The following STOX2 variants were observed in gnomAD, a reference collection of about 807,000 sequenced individuals.
STOX2 encodes the protein storkhead box 2.
A neutral mutation model predicts 60.9 loss-of-function variants in STOX2; 28 were observed. That is an observed-to-expected ratio of 0.46 (90% CI 0.34 to 0.63). STOX2 has a LOEUF of 0.63. Among genes scored for constraint, STOX2 ranks in the 30% least tolerant of loss-of-function variants. The probability of loss-of-function intolerance (pLI) is 0.01; values close to 1 mark genes in which losing one functional copy is unlikely to be tolerated. For missense variants in STOX2, 1,024 were observed against 1,187.7 expected (o/e 0.86, Z 2.03); for synonymous variants, 472 against 463.9 (o/e 1.02, Z -0.22).
rs866550271 is a variant in STOX2, at chr4:183,825,873, G to A, written c.364+27818G>A. 3.3e-5 allele frequency among the ~76,000 whole-genome samples: 5 copies of A among 152,152 alleles called. No homozygotes were observed. The highest frequency in any genetic ancestry group is 5.9e-5 in the Non-Finnish European group (4 of 68,018). On this transcript the variant is annotated intron_variant, in intron 1 of 2. Transcript: ENST00000513034. This position sits in a 1 kb window ranked among gnomAD's most constrained non-coding sequence, Gnocchi z 4.1. ...GAAGTTTAGTCTGGGAACGAGTATG[G>A]CAGTCAGTTTGGCAAATGATGGGGA...
At chr4:183,908,343 T>C (rs1255901809) in intron 1 of STOX2, among the ~76,000 whole-genome samples, 1 of 152,210 alleles carries the variant, frequency 6.6e-6, no homozygotes, top group African/African-American at 2.4e-5. Flanking sequence ...CACACCTAAA[T>C]GCAAACCTAA....
Position 183,941,667 on chromosome 4 carries a change from A to G in STOX2, c.166+34711A>G, listed in dbSNP as rs563187590. On this transcript the variant is annotated intron_variant, in intron 1 of 3. Transcript: ENST00000308497. ...TATGGCGATAGACAACATGGATACC[A>G]TGTTATGTGCTTAAAGTACTTAACA... is the stretch of plus-strand genomic sequence containing the variant. 2.0e-5 allele frequency among the ~76,000 whole-genome samples: 3 copies of G among 152,346 alleles called. No individual in the cohort carries two copies. The South Asian group carries it at 6.2e-4, about 32-fold the overall frequency.
intron 1 of STOX2, among the ~76,000 whole-genome samples, chr4:183,899,187 G>C (rs943850102): frequency 3.3e-5 from 5 of 152,174 alleles, no homozygotes; most frequent in African/African-American, 1.2e-4. Context: ...CGATCTGACT[G>C]TTCCAATGAC....
At chr4:183,957,215 C>CT (rs1743277583) in intron 1 of STOX2, among the ~76,000 whole-genome samples, 1 of 150,894 alleles carries the variant, frequency 6.6e-6, no homozygotes, top group Admixed American at 6.6e-5. Context: ...CACGTGGTGG[C>CT]TTTTTGTCTC....
intron 1 of STOX2, among the ~76,000 whole-genome samples, chr4:183,954,580 G>C (rs894340890): frequency 6.6e-6 from 1 of 151,696 alleles, no homozygotes; most frequent in African/African-American, 2.4e-5. Context: ...GAGCCACCAC[G>C]CCAAGCCCGC....
intron 1 of STOX2, among the ~76,000 whole-genome samples, chr4:183,989,169 GTTTTTT>G (rs11421201): frequency 1.6e-4 from 13 of 80,028 alleles, no homozygotes; most frequent in African/African-American, 4.6e-4. Flanking sequence ...ATTTTTTCTG[GTTTTTT>G]TTTTTTTTTT....
chr4:183,891,358 TTATATATATATA>T (rs60300009), intron 1 of STOX2, among the ~76,000 whole-genome samples: 3,243 of 84,914 alleles, frequency 0.038, 84 homozygotes, highest in East Asian at 0.067. Context: ...ATGATGGAAT[TTATATATATATA>T]TATATATATA....
intron 1 of STOX2, among the ~76,000 whole-genome samples, chr4:184,000,543 C>G (rs1384962992): frequency 1.3e-5 from 2 of 152,182 alleles, no homozygotes; most frequent in African/African-American, 4.8e-5. Flanking sequence ...AGCTTGGACA[C>G]TCAGCTCTTT....
At chr4:183,949,720 ACTTT>A (rs1308731204) in intron 1 of STOX2, among the ~76,000 whole-genome samples, 1 of 151,942 alleles carries the variant, frequency 6.6e-6, no homozygotes, top group Non-Finnish European at 1.5e-5. Context: ...ACAAACAAAA[ACTTT>A]CTTAATTTAA....
At chr4:183,830,773 C>T (rs937869100) in intron 1 of STOX2, among the ~76,000 whole-genome samples, 1 of 152,134 alleles carries the variant, frequency 6.6e-6, no homozygotes, top group Non-Finnish European at 1.5e-5. Flanking sequence ...CATTAAGGGC[C>T]CTCCTCCAAC....
rs563945702 is a variant in STOX2 at position 183,887,349 on chromosome 4, A to G, written c.364+89294A>G. ...CAACCATTTGTCAGAGACACCATCA[A>G]TTTAGGCCGTTATAAATTTAGTGAT... is the stretch of plus-strand genomic sequence containing the variant. On this transcript the variant is annotated intron_variant, in intron 1 of 2. Coordinates refer to the STOX2 transcript ENST00000513034. Among the ~76,000 whole-genome samples the G allele has an allele frequency of 4.2e-4, 64 of 152,296 alleles. 2 individuals carry two copies. The highest frequency in any genetic ancestry group is 3.9e-3 in the South Asian group (19 of 4,828).
intron 1 of STOX2, among the ~76,000 whole-genome samples, chr4:183,966,935 T>C (rs984004183): frequency 2.6e-5 from 4 of 152,208 alleles, no homozygotes; most frequent in Admixed American, 6.5e-5. Context: ...ATTTCATTCA[T>C]GAAATGGAGA....
In STOX2 at chr4:183,850,066, C is replaced by A. The variant is rs368089626; in HGVS notation, c.364+52011C>A. Among the ~76,000 whole-genome samples, 16 of 152,144 alleles carry A rather than the reference C, an allele frequency of 1.1e-4. No homozygotes were observed. The East Asian group carries it at 1.5e-3, about 15-fold the overall frequency. On this transcript the variant is annotated intron_variant, in intron 1 of 2. Coordinates refer to the STOX2 transcript ENST00000513034. ...ATAACCTCCACCTCCCGGGTTCAAG[C>A]AATTCTCCTGCCTCAGCCTCACAAG...
intron 3 of STOX2, chr4:184,014,201 T>C (rs919416730): frequency 2.0e-5 from 3 of 151,444 alleles, no homozygotes; most frequent in Admixed American, 6.6e-5. Context: ...TTAGAAGTCA[T>C]GTTCAGCCAC....
chr4:183,931,396 C>T (rs563630294), intron 1 of STOX2, among the ~76,000 whole-genome samples: 1 of 152,242 alleles, frequency 6.6e-6, no homozygotes, highest in African/African-American at 2.4e-5. Flanking sequence ...CGTACTCCAG[C>T]CTGGGCGACA....
At chr4:184,000,229 G>A (rs1336783633) in intron 1 of STOX2, among the ~76,000 whole-genome samples, 1 of 152,082 alleles carries the variant, frequency 6.6e-6, no homozygotes, top group African/African-American at 2.4e-5. Flanking sequence ...AGGGATCCTT[G>A]GAGCATCACT....
intron 1 of STOX2, among the ~76,000 whole-genome samples, chr4:183,927,632 T>C (rs1742282725): frequency 6.6e-6 from 1 of 152,170 alleles, no homozygotes; most frequent in Non-Finnish European, 1.5e-5. Flanking sequence ...TGGTACTTTT[T>C]CAGTGCACAT....
Position 184,019,237 on chromosome 4 carries a change from G to C in STOX2, c.*1953G>C, listed in dbSNP as rs1466060284. On this transcript the variant is annotated 3_prime_UTR_variant, in exon 4 of 4. Coordinates refer to ENST00000308497, the MANE Select transcript of STOX2 (RefSeq NM_020225.3). ...CCATACCATTGAAATGCTTAAGCCAGTTGGCTTTCAGTCTCATGCCTTATT... is the reference window on the plus strand; with the variant it reads ...CCATACCATTGAAATGCTTAAGCCACTTGGCTTTCAGTCTCATGCCTTATT... 5 of 152,176 alleles carry C rather than the reference G, an allele frequency of 3.3e-5. No homozygotes were observed. Among genetic ancestry groups the C allele is most frequent in the Non-Finnish European group, 7.3e-5 (5 of 68,042 alleles). The allele number at this position is 152,176 out of a possible 1,614,324, so 9.4% of individuals were successfully genotyped here.
At chr4:183,884,417 C>A (rs1178922446) in intron 1 of STOX2, among the ~76,000 whole-genome samples, 1 of 151,792 alleles carries the variant, frequency 6.6e-6, no homozygotes, top group African/African-American at 2.4e-5. Flanking sequence ...GCGGATGGAT[C>A]GCTTGAGCTC....
Sources: allele counts gnomAD v4.1 joint callset (sites outside exome capture counted in the v4.1 genomes callset), GRCh38; gene constraint gnomAD v4.1.1; non-coding constraint Gnocchi (gnomAD v3.1); transcripts MANE v1.5; gene names NCBI Gene and HGNC (gene_info 2026-07-23, HGNC 2026-07-21).